The following EHMT1 variants were observed in gnomAD, a reference collection of about 807,000 sequenced individuals.
EHMT1 encodes the protein histone-lysine N-methyltransferase EHMT1.
In EHMT1, 15 loss-of-function variants were observed where a neutral mutation model predicts 147.2. The ratio of observed to expected loss-of-function variants is 0.10; its 90% CI spans 0.07 to 0.16. The LOEUF is 0.16. Ranked by LOEUF, EHMT1 falls within the 10% of genes least tolerant of loss-of-function variation. The pLI, the probability that EHMT1 is intolerant of heterozygous loss-of-function variation, is 1.00. For missense variants in EHMT1, 1,587 were observed against 1,772.4 expected (o/e 0.90, Z 1.88); for synonymous variants, 795 against 709.6 (o/e 1.12, Z -1.91).
At chr9:137,752,232 C>A in intron 6 of EHMT1, 99 bp from the exon 7 acceptor site, 1 of 1,405,402 alleles carries the variant, frequency 7.1e-7, no homozygotes, top group Non-Finnish European at 9.9e-7. Context: ...GGCCAGTGCC[C>A]GTTTCGAGGT....
chr9:137,832,211 A>G (rs1376277011), intron 25 of EHMT1, among the ~76,000 whole-genome samples: 1 of 126,852 alleles, frequency 7.9e-6, no homozygotes, highest in African/African-American at 3.1e-5. Flanking sequence ...CCCACCTCCT[A>G]CATGGCCTGT....
intron 1 of EHMT1, among the ~76,000 whole-genome samples, chr9:137,666,749 TC>T (rs1005390476): frequency 6.6e-6 from 1 of 152,164 alleles, no homozygotes; most frequent in Non-Finnish European, 1.5e-5. Flanking sequence ...ATTGGGAGAC[TC>T]CATTTTCCGT....
intron 3 of EHMT1, 29 bp downstream of exon 3, chr9:137,717,211 CT>C (rs1281028906): frequency 6.2e-7 from 1 of 1,608,596 alleles, no homozygotes. Flanking sequence ...TTGCTGTTTC[CT>C]TTTTCCCATC....
chr9:137,716,840 C>G lies in EHMT1; in HGVS notation c.300C>G (p.Asp100Glu). ...CGGAAAATGGGGTTTCAGAAAGAGACTCAGAAGCGGCGAAGCAAAACCACG... is the reference window on the plus strand; with the variant it reads ...CGGAAAATGGGGTTTCAGAAAGAGAGTCAGAAGCGGCGAAGCAAAACCACG... ...RIAENGVSER[D>E]SEAAKQNHVT... The change falls in exon 3 of 27, where the codon GAC (aspartate) becomes GAG (glutamate). Residue 100 changes from aspartate (D) to glutamate (E), a missense_variant. Physicochemically the swap from Asp to Glu is conservative, Grantham distance 45 (BLOSUM62 2). Coordinates refer to ENST00000460843, the MANE Select transcript of EHMT1 (RefSeq NM_024757.5). 6.2e-7 allele frequency: 1 copy of G among 1,613,292 alleles called. No homozygotes were observed. Among genetic ancestry groups the G allele is most frequent in the African/African-American group, 1.3e-5 (1 of 74,998 alleles).
At chr9:137,817,413 G>T (rs746708081) in intron 23 of EHMT1, 26 bp from the exon 24 acceptor site, 3 of 1,613,496 alleles carry the variant, frequency 1.9e-6, no homozygotes, top group East Asian at 4.5e-5. Context: ...TGTGGCCTGG[G>T]TTCACCACTA....
intron 1 of EHMT1, among the ~76,000 whole-genome samples, chr9:137,693,390 C>G (rs1943105461): frequency 6.6e-6 from 1 of 152,134 alleles, no homozygotes; most frequent in Non-Finnish European, 1.5e-5. Context: ...CCCGCATAGC[C>G]TGCTGAACTG....
intron 18 of EHMT1, 23 bp downstream of exon 18, chr9:137,801,007 G>C (rs145982136): frequency 6.2e-7 from 1 of 1,608,848 alleles, no homozygotes; most frequent in Non-Finnish European, 8.5e-7. Flanking sequence ...CACCCTCCCC[G>C]GGAGCCGTGT....
At chr9:137,679,873 G>A (rs1404309667) in intron 1 of EHMT1, among the ~76,000 whole-genome samples, 1 of 152,080 alleles carries the variant, frequency 6.6e-6, no homozygotes, top group African/African-American at 2.4e-5. Flanking sequence ...CTTGTTTCAG[G>A]GCTGTCAGGT....
At chr9:137,620,920 A>G (rs1461900726) in intron 1 of EHMT1, among the ~76,000 whole-genome samples, 4 of 152,214 alleles carry the variant, frequency 2.6e-5, no homozygotes, top group Non-Finnish European at 4.4e-5. Context: ...CAACCCTGCC[A>G]TAGTGCCAGT....
At chr9:137,824,328 G>A (rs1265994046) in intron 25 of EHMT1, among the ~76,000 whole-genome samples, 1 of 152,180 alleles carries the variant, frequency 6.6e-6, no homozygotes, top group African/African-American at 2.4e-5. Context: ...TATACCAGCT[G>A]ATGGAGATCT....
intron 3 of EHMT1, among the ~76,000 whole-genome samples, chr9:137,726,510 C>T (rs934965539): frequency 6.6e-6 from 1 of 151,696 alleles, no homozygotes; most frequent in East Asian, 1.9e-4. Context: ...CTTTGCTGAT[C>T]CGTTCGCCCG....
intron 25 of EHMT1, among the ~76,000 whole-genome samples, chr9:137,825,723 A>G (rs1182566211): frequency 2.0e-5 from 3 of 152,198 alleles, no homozygotes; most frequent in Non-Finnish European, 4.4e-5. Context: ...AAAGTCACCT[A>G]TTAAGTGTAA....
chr9:137,658,311 C>T (rs572486597), intron 1 of EHMT1, among the ~76,000 whole-genome samples: 11 of 152,060 alleles, frequency 7.2e-5, no homozygotes, highest in Admixed American at 5.9e-4. Flanking sequence ...CCTCCACACC[C>T]GGTTAATTGT....
At chr9:137,801,032 G>A in intron 18 of EHMT1, 48 bp downstream of exon 18, 1 of 1,521,754 alleles carries the variant, frequency 6.6e-7, no homozygotes, top group Non-Finnish European at 9.1e-7. Flanking sequence ...GAGGGGTGGG[G>A]ACCTCCTCCC....
intron 1 of EHMT1, among the ~76,000 whole-genome samples, chr9:137,650,020 G>A (rs1845192390): frequency 6.6e-6 from 1 of 152,266 alleles, no homozygotes; most frequent in Non-Finnish European, 1.5e-5. Flanking sequence ...TGTTTTTATG[G>A]TGGCTGTGCC....
chr9:137,736,036 C>T (rs570787770), intron 4 of EHMT1, among the ~76,000 whole-genome samples: 1 of 152,200 alleles, frequency 6.6e-6, no homozygotes, highest in Non-Finnish European at 1.5e-5. Context: ...AACAGATGAT[C>T]CTACTACATG....
Position 137,675,802 on chromosome 9 carries a change from T to TTTTTTTTTTTTTTTG in EHMT1, c.22-35165_22-35164insTTTTTTTTTTTTTTG, listed in dbSNP as rs35541714. 2.6e-4 allele frequency among the ~76,000 whole-genome samples: 27 copies of TTTTTTTTTTTTTTTG among 104,734 alleles called. 2 individuals are homozygous for TTTTTTTTTTTTTTTG. Among genetic ancestry groups the TTTTTTTTTTTTTTTG allele is most frequent in the African/African-American group, 1.1e-3 (26 of 23,812 alleles). 68.7% of individuals were successfully genotyped at this position (104,734 alleles called of 152,430 possible). A position where few individuals can be genotyped will look rare whatever the true frequency, so the allele number is the denominator to read the frequency against. On this transcript the variant is annotated intron_variant, in intron 1 of 26. Transcript: ENST00000460843. ...TAATTTTTTTTTTTTTTTTTTTTTT[T>TTTTTTTTTTTTTTTG]AGACGGAGTCTCGCTCTGTCGCCCA...
At chr9:137,820,792 G>T (rs1371772724) in intron 25 of EHMT1, among the ~76,000 whole-genome samples, 1 of 152,192 alleles carries the variant, frequency 6.6e-6, no homozygotes, top group African/African-American at 2.4e-5. Context: ...CAATCAGTCT[G>T]CTGACTGTTC....
chr9:137,832,526 GGCCCT>G, intron 25 of EHMT1: 1 of 138,742 alleles, frequency 7.2e-6, no homozygotes. Context: ...TCCCTCCGCA[GGCCCT>G]CCCCCCACCC....
Sources: gnomAD v4.1 joint callset for allele counts (sites outside exome capture counted in the v4.1 genomes callset) on GRCh38, gnomAD v4.1.1 for gene constraint, MANE v1.5 for transcripts, NCBI Gene and HGNC (gene_info 2026-07-23, HGNC 2026-07-21) for gene names.